KIF27: variants seen among roughly 807,000 people sequenced by gnomAD.
KIF27 encodes kinesin-like protein KIF27.
A neutral mutation model predicts 141.8 loss-of-function variants in KIF27; 84 were observed. The observed-to-expected ratio is 0.59, with a 90% CI of 0.50 to 0.71. The LOEUF is 0.71. Ranked by LOEUF, KIF27 falls within the 30% of genes least tolerant of loss-of-function variation. KIF27 has a pLI of 0.00. For missense variants in KIF27, 1,306 were observed against 1,628.4 expected (o/e 0.80, Z 3.41); for synonymous variants, 471 against 569.5 (o/e 0.83, Z 2.46).
intron 13 of KIF27, among the ~76,000 whole-genome samples, chr9:83,867,395 T>TATCCATCCATCC (rs1275416961): frequency 1.5e-4 from 22 of 145,716 alleles, no homozygotes; most frequent in Admixed American, 3.4e-4. Context: ...TCTATCTATC[T>TATCCATCCATCC]ATCCATCCAT....
chr9:83,885,294 T>C (rs1442642228), intron 9 of KIF27, among the ~76,000 whole-genome samples: 3 of 152,124 alleles, frequency 2.0e-5, no homozygotes, highest in Non-Finnish European at 4.4e-5. Context: ...GGTTTCACCA[T>C]GTTGGCCAGG....
At chr9:83,869,214 G>T (rs900642500) in intron 12 of KIF27, among the ~76,000 whole-genome samples, 5 of 152,032 alleles carry the variant, frequency 3.3e-5, no homozygotes, top group Admixed American at 6.6e-5. Flanking sequence ...TATGAAGAGA[G>T]AATAAATCTT....
intron 13 of KIF27, among the ~76,000 whole-genome samples, chr9:83,861,582 T>C (rs1054949544): frequency 2.0e-5 from 3 of 152,170 alleles, no homozygotes; most frequent in African/African-American, 7.2e-5. Flanking sequence ...TCTATCATTG[T>C]TGGACATTTG....
chr9:83,842,136 A>C (rs1028621526), intron 17 of KIF27, 101 bp downstream of exon 17: 53 of 1,332,326 alleles, frequency 4.0e-5, no homozygotes, highest in Middle Eastern at 5.5e-4. Flanking sequence ...ATCTAATCCT[A>C]AATAACCCAG....
rs1474367536 is a variant in KIF27, at chr9:83,891,353, G to T, written c.1751C>A (p.Pro584Gln). 6 of 1,613,578 alleles carry T rather than the reference G, an allele frequency of 3.7e-6. No individual in the cohort carries two copies. In the East Asian group the frequency reaches 1.3e-4, roughly 36 times the overall value. Residue 584 changes from proline to glutamine, a missense_variant, in exon 6 of 18, where the codon CCA becomes CAA. This residue lies in a region of KIF27 where 596 missense variants were observed against 751.6 expected (regional missense o/e 0.79). Coordinates refer to ENST00000297814, the MANE Select transcript of KIF27 (RefSeq NM_017576.4). ...RIPERRPYTV[P>Q]FDTHLGHYIY... is the part of the protein sequence containing the mutation. Reference sequence around the variant, plus strand: ...ATAATGCCCCAAATGAGTATCAAATGGTACAGTATATGGTCTCCTTTCAGG... The same window carrying T: ...ATAATGCCCCAAATGAGTATCAAATTGTACAGTATATGGTCTCCTTTCAGG...
chr9:83,861,588 A>G (rs574124532), intron 13 of KIF27, among the ~76,000 whole-genome samples: 21 of 152,236 alleles, frequency 1.4e-4, no homozygotes, highest in African/African-American at 4.8e-4. Context: ...ATTGTTGGAC[A>G]TTTGGGTTGG....
Position 83,834,179 on chromosome 9 carries a change from A to G in KIF27, c.*2822T>C, listed in dbSNP as rs1021835655. 1.3e-5 allele frequency among the ~76,000 whole-genome samples: 2 copies of G among 152,198 alleles called. No individual in the cohort carries two copies. The highest frequency in any genetic ancestry group is 2.4e-5 in the African/African-American group (1 of 41,462). ...AAAAAAAGAAAACCACAAACATTTT[A>G]TATACATGCAAAAAGGCAATAAAGT... is the stretch of plus-strand genomic sequence containing the variant. On this transcript the variant is annotated 3_prime_UTR_variant, in exon 18 of 18. Coordinates refer to ENST00000297814, the MANE Select transcript of KIF27 (RefSeq NM_017576.4).
intron 11 of KIF27, among the ~76,000 whole-genome samples, chr9:83,873,746 T>C (rs1228592644): frequency 2.6e-5 from 4 of 152,192 alleles, no homozygotes; most frequent in Admixed American, 6.5e-5. Context: ...ACTCTCTACG[T>C]AGTATTTCTG....
chr9:83,918,538 T>G (rs747886512), intron 1 of KIF27, among the ~76,000 whole-genome samples: 1 of 152,158 alleles, frequency 6.6e-6, no homozygotes, highest in Non-Finnish European at 1.5e-5. Flanking sequence ...AAATTTTAAA[T>G]AGGCAAAGCA....
intron 11 of KIF27, among the ~76,000 whole-genome samples, chr9:83,873,518 C>A (rs1298645928): frequency 1.3e-5 from 2 of 152,148 alleles, no homozygotes; most frequent in African/African-American, 4.8e-5. Context: ...GAGAAGTGCA[C>A]TCACAAAGAA....
chr9:83,915,315 T>C lies in KIF27; in HGVS notation c.277A>G (p.Thr93Ala). Residue 93 changes from threonine (T) to alanine (A), a missense_variant, in exon 2 of 18, where the codon ACC becomes GCC. Physicochemically the swap from Thr to Ala is moderately conservative, Grantham distance 58. This residue lies in a region of KIF27 where 533 missense variants were observed against 565.6 expected (regional missense o/e 0.94). Coordinates refer to ENST00000297814, the MANE Select transcript of KIF27 (RefSeq NM_017576.4). ...YGQTGSGKTY[T>A]IGGGHIASVV... ...TTACCAATATGGCCCCCTCCAATGG[T>C]GTATGTCTTCCCAGATCCAGTTTGT... 1.2e-6 allele frequency: 2 copies of C among 1,611,566 alleles called. No homozygotes were observed. Among genetic ancestry groups the C allele is most frequent in the African/African-American group, 1.3e-5 (1 of 74,938 alleles).
chr9:83,882,402 T>C (rs1353519728), intron 10 of KIF27, among the ~76,000 whole-genome samples: 4 of 152,174 alleles, frequency 2.6e-5, no homozygotes, highest in Non-Finnish European at 5.9e-5. Flanking sequence ...AAAACCGGTA[T>C]TGTCATCACC....
chr9:83,873,186 AC>A (rs1464675056), intron 11 of KIF27, among the ~76,000 whole-genome samples: 1 of 152,202 alleles, frequency 6.6e-6, no homozygotes, highest in African/African-American at 2.4e-5. Context: ...TGCGAGTTAT[AC>A]CAGCCAGGGG....
chr9:83,898,292 G>GA (rs1407768346), intron 5 of KIF27, among the ~76,000 whole-genome samples: 9 of 152,002 alleles, frequency 5.9e-5, no homozygotes, highest in African/African-American at 1.9e-4. Flanking sequence ...AGAATTTACA[G>GA]AAAAAATATT....
At chr9:83,871,985 A>G (rs1950832821) in intron 11 of KIF27, among the ~76,000 whole-genome samples, 1 of 150,428 alleles carries the variant, frequency 6.6e-6, no homozygotes. Flanking sequence ...TACAAGCATG[A>G]GCCACCACGC....
chr9:83,877,589 G>A (rs1377117947), intron 11 of KIF27, among the ~76,000 whole-genome samples: 3 of 151,994 alleles, frequency 2.0e-5, no homozygotes, highest in Non-Finnish European at 4.4e-5. Context: ...TCATGACCTT[G>A]GATTTAGGCA....
chr9:83,852,269 A>T (rs1321341147), intron 15 of KIF27, among the ~76,000 whole-genome samples: 1 of 147,318 alleles, frequency 6.8e-6, no homozygotes, highest in East Asian at 2.0e-4. Flanking sequence ...ACATGGTAAA[A>T]CCCCGTCTCT....
intron 14 of KIF27, among the ~76,000 whole-genome samples, chr9:83,854,685 G>A (rs1948993330): frequency 6.6e-6 from 1 of 152,150 alleles, no homozygotes; most frequent in Non-Finnish European, 1.5e-5. Flanking sequence ...ACAGGCACAT[G>A]CCACCATGCC....
At chr9:83,851,817 C>G (rs1490769540) in intron 15 of KIF27, among the ~76,000 whole-genome samples, 2 of 152,154 alleles carry the variant, frequency 1.3e-5, no homozygotes, top group East Asian at 3.8e-4. Flanking sequence ...CTGACCTTAG[C>G]CAGGTTGCCT....
Sources: gnomAD v4.1 joint callset for allele counts (sites outside exome capture counted in the v4.1 genomes callset) on GRCh38, gnomAD v4.1.1 for gene constraint, gnomAD v4.1.1 regional missense constraint, MANE v1.5 for transcripts, NCBI Gene and HGNC (gene_info 2026-07-23, HGNC 2026-07-21) for gene names.